The following LSAMP variants were observed in gnomAD, a reference collection of about 807,000 sequenced individuals.
LSAMP encodes limbic system associated membrane protein, also known as limbic system-associated membrane protein.
In LSAMP, 7 loss-of-function variants were observed where a neutral mutation model predicts 38.6. The observed-to-expected ratio is 0.18, with a 90% CI of 0.10 to 0.34. The LOEUF (loss-of-function observed/expected upper bound fraction) is 0.34. LSAMP is among the 10% of genes least tolerant of loss of function. The pLI is 1.00. For synonymous variants in LSAMP, 154 were observed against 166.8 expected, an observed-to-expected ratio of 0.92 and a Z score of 0.59; for missense variants, 313 against 420.0, an observed-to-expected ratio of 0.75 and a Z score of 2.23.
chr3:115,836,363 A>C (rs76666919), intron 6 of LSAMP, among the ~76,000 whole-genome samples: 1 of 152,192 alleles, frequency 6.6e-6, no homozygotes, highest in African/African-American at 2.4e-5. Flanking sequence ...TTTACACTTC[A>C]TGCTAGGGTT....
intron 1 of LSAMP, among the ~76,000 whole-genome samples, chr3:116,332,228 G>A (rs1017142267): frequency 1.3e-5 from 2 of 151,974 alleles, no homozygotes; most frequent in East Asian, 3.9e-4. Flanking sequence ...TGAAACTTTG[G>A]TTTATAACTG....
chr3:116,334,948 G>A (rs1356369647), intron 1 of LSAMP, among the ~76,000 whole-genome samples: 1 of 151,944 alleles, frequency 6.6e-6, no homozygotes, highest in East Asian at 1.9e-4. Flanking sequence ...ATAAAATTAT[G>A]TCTATTTGCA....
intron 1 of LSAMP, among the ~76,000 whole-genome samples, chr3:116,179,864 A>T (rs574993544): frequency 6.6e-6 from 1 of 152,320 alleles, no homozygotes; most frequent in Non-Finnish European, 1.5e-5. Context: ...CAGAAAATGT[A>T]TCTAATTAAT....
intron 1 of LSAMP, among the ~76,000 whole-genome samples, chr3:116,263,669 C>T (rs1425890131): frequency 2.4e-4 from 1 of 4,224 alleles, no homozygotes; most frequent in African/African-American, 2.8e-4. Context: ...TTTTATATTG[C>T]ATTTTATTAA....
intron 3 of LSAMP, among the ~76,000 whole-genome samples, chr3:115,898,078 C>T (rs565176455): frequency 2.6e-4 from 39 of 152,180 alleles, no homozygotes; most frequent in African/African-American, 8.7e-4. Context: ...AGACCATCTG[C>T]TTAAGGATTT....
chr3:116,223,563 G>A (rs778189841), intron 1 of LSAMP, among the ~76,000 whole-genome samples: 4 of 152,194 alleles, frequency 2.6e-5, no homozygotes, highest in East Asian at 1.9e-4. Context: ...AAAACAGACC[G>A]TAAAACAATT....
chr3:115,820,443 C>G (rs1000731928), intron 6 of LSAMP, among the ~76,000 whole-genome samples: 3 of 152,278 alleles, frequency 2.0e-5, no homozygotes, highest in Admixed American at 6.5e-5. Context: ...ACCTTACCAT[C>G]ACATGCTTAG....
chr3:116,170,930 C>T (rs1175881915), intron 1 of LSAMP, among the ~76,000 whole-genome samples: 1 of 151,872 alleles, frequency 6.6e-6, no homozygotes, highest in Non-Finnish European at 1.5e-5. Context: ...TCCTGAGGTG[C>T]AAGAAAACCG....
intron 1 of LSAMP, among the ~76,000 whole-genome samples, chr3:116,359,613 T>C (rs1044212620): frequency 2.6e-5 from 4 of 152,180 alleles, no homozygotes; most frequent in Admixed American, 1.3e-4. Context: ...CATGTGCAGG[T>C]TGTACAGGTT....
chr3:116,006,752 T>C (rs928102328), intron 3 of LSAMP, among the ~76,000 whole-genome samples: 3 of 152,200 alleles, frequency 2.0e-5, no homozygotes, highest in Non-Finnish European at 2.9e-5. Flanking sequence ...CTCAATACTA[T>C]GTGTTATCAT....
chr3:115,979,356 A>T (rs1939290203), intron 3 of LSAMP, among the ~76,000 whole-genome samples: 1 of 152,152 alleles, frequency 6.6e-6, no homozygotes, highest in African/African-American at 2.4e-5. Context: ...TTTATATGGA[A>T]GGACGTGAGA....
In LSAMP at chr3:116,222,322, G is replaced by A. The variant is rs533122163; in HGVS notation, c.156-135766C>T. 2.7e-5 allele frequency among the ~76,000 whole-genome samples: 4 copies of A among 150,074 alleles called. No homozygotes were observed. The South Asian group carries it at 8.4e-4, about 32-fold the overall frequency. ...CTTTTTTTTTAATGCCCACAGTGCT[G>A]CATCCTATGGGTTGACAGTTGCTTG... On this transcript the variant is annotated intron_variant, in intron 1 of 6. Coordinates refer to ENST00000490035, the MANE Select transcript of LSAMP (RefSeq NM_002338.5).
intron 1 of LSAMP, among the ~76,000 whole-genome samples, chr3:116,312,365 G>A (rs1334165678): frequency 6.6e-6 from 1 of 152,064 alleles, no homozygotes; most frequent in Non-Finnish European, 1.5e-5. Context: ...AGAGGCTATG[G>A]CATAAAATAT....
chr3:116,006,349 A>C (rs6770422), intron 3 of LSAMP, among the ~76,000 whole-genome samples: 3,217 of 152,226 alleles, frequency 0.021, 83 homozygotes, highest in African/African-American at 0.061. Flanking sequence ...GAACCTGAGC[A>C]TGCTGGCACC....
At chr3:116,145,001 T>C (rs1486189370) in intron 1 of LSAMP, among the ~76,000 whole-genome samples, 1 of 151,988 alleles carries the variant, frequency 6.6e-6, no homozygotes, top group Non-Finnish European at 1.5e-5. Flanking sequence ...TGATGACACA[T>C]AAACTGAATT....
chr3:115,951,138 A>C (rs12495313), intron 3 of LSAMP, among the ~76,000 whole-genome samples: 37,048 of 152,106 alleles, frequency 0.24, 5,158 homozygotes, highest in East Asian at 0.52. Context: ...ATGATCAAAG[A>C]CTTAAATCTA....
chr3:116,063,090 TGTG>T (rs1312867307), intron 2 of LSAMP, among the ~76,000 whole-genome samples: 2 of 150,808 alleles, frequency 1.3e-5, no homozygotes, highest in African/African-American at 2.4e-5. Flanking sequence ...ACATACATAT[TGTG>T]TGTGTGTGTG....
chr3:116,208,504 G>C (rs2046102214), intron 1 of LSAMP, among the ~76,000 whole-genome samples: 1 of 152,174 alleles, frequency 6.6e-6, no homozygotes, highest in Non-Finnish European at 1.5e-5. Context: ...CCGTTTTTCT[G>C]TTCTGTTTTT....
intron 2 of LSAMP, among the ~76,000 whole-genome samples, chr3:116,027,931 T>C (rs749765230): frequency 6.6e-6 from 1 of 152,204 alleles, no homozygotes; most frequent in Middle Eastern, 3.2e-3. Flanking sequence ...TCATTAGTTA[T>C]TGTTCATTCA....
Sources: allele counts gnomAD v4.1 joint callset (sites outside exome capture counted in the v4.1 genomes callset), GRCh38; gene constraint gnomAD v4.1.1; transcripts MANE v1.5; gene names NCBI Gene and HGNC (gene_info 2026-07-23, HGNC 2026-07-21).